The following INPP5A variants were observed in gnomAD, a reference collection of about 807,000 sequenced individuals.
The protein encoded by INPP5A is 43 kDa inositol polyphosphate 5-phophatase.
A neutral mutation model predicts 65.2 loss-of-function variants in INPP5A; 14 were observed. The ratio of observed to expected loss-of-function variants is 0.21; its 90% CI spans 0.14 to 0.34. The LOEUF (loss-of-function observed/expected upper bound fraction) is 0.34, where lower values mean the gene tolerates loss of function less well. INPP5A is among the 10% of genes least tolerant of loss of function. The probability of loss-of-function intolerance (pLI) is 1.00; values close to 1 mark genes in which losing one functional copy is unlikely to be tolerated. For missense variants in INPP5A, 431 were observed against 545.6 expected, an observed-to-expected ratio of 0.79 and a Z score of 2.09; for synonymous variants, 207 against 208.3, an observed-to-expected ratio of 0.99 and a Z score of 0.05.
intron 4 of INPP5A, among the ~76,000 whole-genome samples, chr10:132,687,134 G>A (rs113668972): frequency 4.6e-5 from 7 of 152,268 alleles, no homozygotes; most frequent in African/African-American, 1.2e-4. Flanking sequence ...TAGTAAAGAC[G>A]GGGTTTCACC....
intron 1 of INPP5A, among the ~76,000 whole-genome samples, chr10:132,556,402 T>A (rs954767001): frequency 6.6e-6 from 1 of 152,190 alleles, no homozygotes; most frequent in Non-Finnish European, 1.5e-5. Context: ...CCAGAATATC[T>A]GGGCACCTGT....
intron 8 of INPP5A, among the ~76,000 whole-genome samples, chr10:132,711,978 CAG>C (rs1386621307): frequency 6.6e-6 from 1 of 152,190 alleles, no homozygotes; most frequent in Non-Finnish European, 1.5e-5. Context: ...GCCCCTGCCC[CAG>C]AGTCATGTGT....
chr10:132,590,655 C>T (rs1256731130), intron 1 of INPP5A, among the ~76,000 whole-genome samples: 1 of 152,226 alleles, frequency 6.6e-6, no homozygotes, highest in Non-Finnish European at 1.5e-5. Flanking sequence ...TGCTTCCAGA[C>T]AGCCTCGGTA....
intron 2 of INPP5A, among the ~76,000 whole-genome samples, chr10:132,622,000 G>A (rs944170157): frequency 6.6e-6 from 1 of 152,132 alleles, no homozygotes; most frequent in East Asian, 1.9e-4. Flanking sequence ...GGACTATTTA[G>A]AAAAACTGAA....
chr10:132,562,725 A>G (rs780651345), intron 1 of INPP5A, among the ~76,000 whole-genome samples: 2 of 152,208 alleles, frequency 1.3e-5, no homozygotes, highest in Non-Finnish European at 2.9e-5. Context: ...GCATGCTTCC[A>G]CGGCTCATCT....
rs1189252415 is a variant in INPP5A at position 132,710,074 on chromosome 10, GTT to G, written c.528-259_528-258del. Among the ~76,000 whole-genome samples, 8 of 152,400 alleles carry G rather than the reference GTT, an allele frequency of 5.2e-5. No individual in the cohort carries two copies. The East Asian group carries it at 1.5e-3, about 29-fold the overall frequency. The stretch of plus-strand genomic sequence containing the variant: ...GGAGAGTTTCCATAGTCACCTGTAA[GTT>G]TTTCTCTTTAAAGAAAAGTAGCTCA... On this transcript the variant is annotated intron_variant, in intron 7 of 15. Transcript: ENST00000368594.
intron 13 of INPP5A, 32 bp from the exon 14 acceptor site, chr10:132,780,817 C>T: frequency 6.2e-7 from 1 of 1,602,890 alleles, no homozygotes; most frequent in South Asian, 1.1e-5. Context: ...GCCCCACCTC[C>T]CCACACTCAC....
chr10:132,679,832 G>C (rs1040519515), intron 4 of INPP5A, among the ~76,000 whole-genome samples: 1 of 152,230 alleles, frequency 6.6e-6, no homozygotes, highest in Non-Finnish European at 1.5e-5. Flanking sequence ...TGGGCAGCCA[G>C]GTGGTCTCTG....
intron 4 of INPP5A, among the ~76,000 whole-genome samples, chr10:132,662,899 C>T (rs1000992368): frequency 2.0e-5 from 3 of 152,190 alleles, no homozygotes; most frequent in Non-Finnish European, 2.9e-5. Context: ...GATGGTTTCA[C>T]GTGTGGATGT....
intron 9 of INPP5A, among the ~76,000 whole-genome samples, chr10:132,747,108 G>A (rs986410199): frequency 7.0e-4 from 106 of 152,342 alleles, no homozygotes; most frequent in African/African-American, 2.4e-3. Context: ...TTCCTGAGCC[G>A]CGTCCTGGGA....
intron 7 of INPP5A, 166 bp downstream of exon 7, chr10:132,708,531 G>A (rs370540035): frequency 4.3e-5 from 33 of 772,630 alleles, no homozygotes; most frequent in African/African-American, 1.0e-4. Flanking sequence ...GGTTCACGGC[G>A]ATGCATTCGG....
In INPP5A at chr10:132,659,129, G is replaced by A. The variant is rs976785171; in HGVS notation, c.306+8624G>A. On this transcript the variant is annotated intron_variant, in intron 4 of 15. Coordinates refer to ENST00000368594, the MANE Select transcript of INPP5A (RefSeq NM_005539.5). The surrounding 1 kb of genome is among the most constrained non-coding windows in gnomAD (Gnocchi z 5.5). ...CAGCTCTGCAGGTGCCACTCCCCAC[G>A]CCAGTGTTCTCCAAACTTCCGGGGA... is the stretch of plus-strand genomic sequence containing the variant. Among the ~76,000 whole-genome samples the A allele has an allele frequency of 2.6e-5, 4 of 152,124 alleles. No individual in the cohort carries two copies. Among genetic ancestry groups the A allele is most frequent in the Non-Finnish European group, 5.9e-5 (4 of 68,014 alleles).
Position 132,781,276 on chromosome 10 carries a change from T to C in INPP5A, c.1158+359T>C, listed in dbSNP as rs539548253. ...TGCAGCTTCAGTGTTTTAATGGCCT[T>C]CTTGGGGCAGGCTCACTGTCAGCCG... On this transcript the variant is annotated intron_variant, in intron 14 of 15. Transcript: ENST00000368594. 4.6e-5 allele frequency among the ~76,000 whole-genome samples: 7 copies of C among 152,310 alleles called. No homozygotes were observed. In the South Asian group the frequency reaches 1.0e-3, roughly 23 times the overall value.
At position 132,742,262 on chromosome 10, in the gene INPP5A, T is replaced by C. The variant is rs185972841; in HGVS notation, c.733-7255T>C. On this transcript the variant is annotated intron_variant, in intron 9 of 15. Coordinates refer to ENST00000368594, the MANE Select transcript of INPP5A (RefSeq NM_005539.5). ...AGTCCCACCCCAAGAACACACTCTG[T>C]GTTCCCCTTGATGCAGCCCCGACCT... Among the ~76,000 whole-genome samples the C allele has an allele frequency of 5.6e-3, 850 of 152,298 alleles. 10 individuals carry two copies. Among genetic ancestry groups the C allele is most frequent in the African/African-American group, 0.018 (765 of 41,572 alleles).
rs115913368 is a variant in INPP5A at position 132,703,724 on chromosome 10, C to T, written c.475-4589C>T. Among the ~76,000 whole-genome samples the T allele has an allele frequency of 4.8e-3, 454 of 94,944 alleles. 3 individuals are homozygous for T. Among genetic ancestry groups the T allele is most frequent in the African/African-American group, 0.019 (423 of 22,162 alleles). The allele number at this position is 94,944 out of a possible 152,430, so 62.3% of individuals were successfully genotyped here. Reference sequence around the variant, plus strand: ...CGGCTTCACCCCCCCCACACACTCACGGCTTCACCTGCACACACATACACG... The same window carrying T: ...CGGCTTCACCCCCCCCACACACTCATGGCTTCACCTGCACACACATACACG... On this transcript the variant is annotated intron_variant, in intron 6 of 15. Transcript: ENST00000368594.
chr10:132,714,360 C>G (rs1044391843), intron 8 of INPP5A, among the ~76,000 whole-genome samples: 10 of 152,224 alleles, frequency 6.6e-5, no homozygotes, highest in African/African-American at 2.4e-4. Flanking sequence ...CTGCTAACCT[C>G]TTGGCAGCCA....
In INPP5A at chr10:132,651,513, T is replaced by G. The variant is rs138458939; in HGVS notation, c.306+1008T>G. Among the ~76,000 whole-genome samples the G allele has an allele frequency of 0.024, 3,339 of 139,604 alleles. 55 individuals carry two copies. The highest frequency in any genetic ancestry group is 0.042 in the South Asian group (179 of 4,250). 91.6% of individuals were successfully genotyped at this position (139,604 alleles called of 152,430 possible). Reference sequence around the variant, plus strand: ...GGAGGCCCTGGGTCCCCCGGCCTGGTTCCATCTCCCCCGTCTCTGGAGAGG... The same window carrying G: ...GGAGGCCCTGGGTCCCCCGGCCTGGGTCCATCTCCCCCGTCTCTGGAGAGG... On this transcript the variant is annotated intron_variant, in intron 4 of 15. Coordinates refer to ENST00000368594, the MANE Select transcript of INPP5A (RefSeq NM_005539.5). This position sits in a 1 kb window ranked among gnomAD's most constrained non-coding sequence, Gnocchi z 5.0.
At chr10:132,688,248 C>A (rs985879956) in intron 4 of INPP5A, among the ~76,000 whole-genome samples, 2 of 152,226 alleles carry the variant, frequency 1.3e-5, no homozygotes, top group Admixed American at 1.3e-4. Flanking sequence ...AGTCCCCTCA[C>A]CATGCACTGT....
intron 9 of INPP5A, among the ~76,000 whole-genome samples, chr10:132,735,147 C>G (rs1279058875): frequency 6.6e-6 from 1 of 152,176 alleles, no homozygotes; most frequent in Non-Finnish European, 1.5e-5. Context: ...CTAGTCCTCC[C>G]CACCCTCTGC....
Sources: gnomAD v4.1 joint callset for allele counts (sites outside exome capture counted in the v4.1 genomes callset) on GRCh38, gnomAD v4.1.1 for gene constraint, Gnocchi (gnomAD v3.1) non-coding constraint, MANE v1.5 for transcripts, NCBI Gene and HGNC (gene_info 2026-07-23, HGNC 2026-07-21) for gene names.